The following EBF2 variants were observed in gnomAD, a reference collection of about 807,000 sequenced individuals.
EBF2 encodes EBF transcription factor 2.
A neutral mutation model predicts 72.8 loss-of-function variants in EBF2; 21 were observed. The ratio of observed to expected loss-of-function variants is 0.29; its 90% CI spans 0.20 to 0.42. The LOEUF is 0.42. Among genes scored for constraint, EBF2 ranks in the 10% least tolerant of loss-of-function variants. EBF2 has a pLI of 1.00. For synonymous variants in EBF2, 299 were observed against 274.2 expected (o/e 1.09, Z -0.89); for missense variants, 637 against 731.2 (o/e 0.87, Z 1.49).
chr8:25,880,064 A>G (rs1275376796), intron 10 of EBF2, among the ~76,000 whole-genome samples: 5 of 152,208 alleles, frequency 3.3e-5, no homozygotes, highest in African/African-American at 1.2e-4. Flanking sequence ...TTCAATTTCT[A>G]AGATACCTAA....
chr8:26,012,156 A>G (rs1805035970), intron 6 of EBF2, among the ~76,000 whole-genome samples: 1 of 152,124 alleles, frequency 6.6e-6, no homozygotes, highest in South Asian at 2.1e-4. Context: ...ATTTTTGTTA[A>G]AGGAATGAGA....
At chr8:25,987,327 C>A (rs1251666524) in intron 6 of EBF2, among the ~76,000 whole-genome samples, 1 of 152,122 alleles carries the variant, frequency 6.6e-6, no homozygotes, top group Admixed American at 6.5e-5. Flanking sequence ...TTATTTCCCG[C>A]CATTTTGCAG....
chr8:25,878,107 C>G (rs541244538), intron 10 of EBF2, among the ~76,000 whole-genome samples: 53 of 152,306 alleles, frequency 3.5e-4, no homozygotes, highest in East Asian at 2.3e-3. Context: ...ACACGGCCAG[C>G]CCCCAAAGGC....
intron 6 of EBF2, among the ~76,000 whole-genome samples, chr8:25,947,171 T>C (rs1803784459): frequency 6.6e-6 from 1 of 152,144 alleles, no homozygotes; most frequent in African/African-American, 2.4e-5. Flanking sequence ...TCCTCATGTG[T>C]CATGGAAGGG....
intron 10 of EBF2, among the ~76,000 whole-genome samples, chr8:25,869,023 A>G (rs980924256): frequency 9.2e-5 from 14 of 152,070 alleles, no homozygotes; most frequent in Non-Finnish European, 1.9e-4. Flanking sequence ...ACTAAGTCTC[A>G]TCACCATATT....
rs1665869545 is a variant in EBF2, at chr8:25,862,697, A to ATGTG, written c.1098+11_1098+12insCACA. The ATGTG allele has an allele frequency of 1.3e-6, 2 of 1,567,188 alleles. No homozygotes were observed. The highest frequency in any genetic ancestry group is 2.7e-5 in the African/African-American group (2 of 73,208). On this transcript the variant is annotated intron_variant, in intron 11 of 15. Coordinates refer to ENST00000520164, the MANE Select transcript of EBF2 (RefSeq NM_022659.4). ...CAAATGGCTTCACATGTCAATTTCC[A>ATGTG]AAGCACATTACCTTAGCTAATCTCT...
At chr8:25,997,904 CATT>C (rs1373605447) in intron 6 of EBF2, among the ~76,000 whole-genome samples, 1 of 152,030 alleles carries the variant, frequency 6.6e-6, no homozygotes, top group Non-Finnish European at 1.5e-5. Flanking sequence ...AAAGAGCTAA[CATT>C]AATAATAATA....
At chr8:25,977,066 G>C (rs1344854225) in intron 6 of EBF2, among the ~76,000 whole-genome samples, 2 of 152,166 alleles carry the variant, frequency 1.3e-5, no homozygotes, top group Admixed American at 1.3e-4. Flanking sequence ...CATGTTCCCA[G>C]GTCTGAGCTG....
Position 26,045,342 on chromosome 8 carries a change from G to A in EBF2, c.-483C>T, listed in dbSNP as rs1261959054. On this transcript the variant is annotated 5_prime_UTR_variant, in exon 1 of 16. Coordinates refer to ENST00000520164, the MANE Select transcript of EBF2 (RefSeq NM_022659.4). ...GGGGAAGACCTGGAGCCGAGAGGAG[G>A]CGGTGGCTGCGAGCGCCACGGAGCC... 2 of 152,378 alleles carry A rather than the reference G, an allele frequency of 1.3e-5. No individual in the cohort carries two copies. The highest frequency in any genetic ancestry group is 2.4e-5 in the African/African-American group (1 of 41,466). The allele number at this position is 152,378 out of a possible 1,614,324, so 9.4% of individuals were successfully genotyped here. A position where few individuals can be genotyped will look rare whatever the true frequency, so the allele number is the denominator to read the frequency against.
chr8:26,038,561 G>T (rs1482834776), intron 5 of EBF2, among the ~76,000 whole-genome samples: 1 of 152,102 alleles, frequency 6.6e-6, no homozygotes, highest in East Asian at 1.9e-4. Flanking sequence ...CCAAACAAAG[G>T]CATAAAAAGA....
intron 6 of EBF2, among the ~76,000 whole-genome samples, chr8:26,030,214 T>A (rs1206268533): frequency 6.6e-6 from 1 of 152,232 alleles, no homozygotes; most frequent in Admixed American, 6.5e-5. Flanking sequence ...AAGGTTTCAG[T>A]GAGAGAACTC....
At chr8:26,039,407 C>G (rs140601757) in intron 5 of EBF2, among the ~76,000 whole-genome samples, 2 of 152,290 alleles carry the variant, frequency 1.3e-5, no homozygotes, top group East Asian at 3.9e-4. Flanking sequence ...AGCGGGTCCT[C>G]TCCCTGCCCC....
Position 25,906,270 on chromosome 8 carries a change from C to CT in EBF2, c.633+2203dup, listed in dbSNP as rs1204317992. On this transcript the variant is annotated intron_variant, in intron 7 of 15. Transcript: ENST00000520164. Reference sequence around the variant, plus strand: ...AATAAAAATCCAAACTGCCAACTCTCTTTTCTCTGCCTCTGTATCTTCTAG... The same window carrying CT: ...AATAAAAATCCAAACTGCCAACTCTCTTTTTCTCTGCCTCTGTATCTTCTAG... Among the ~76,000 whole-genome samples the CT allele has an allele frequency of 2.0e-5, 3 of 152,206 alleles. No homozygotes were observed. The East Asian group carries it at 5.8e-4, about 29-fold the overall frequency.
At chr8:25,869,176 A>G (rs1390016031) in intron 10 of EBF2, among the ~76,000 whole-genome samples, 2 of 152,188 alleles carry the variant, frequency 1.3e-5, no homozygotes, top group African/African-American at 4.8e-5. Context: ...ATAAGAGTTA[A>G]ATTCTGTCTG....
chr8:25,864,643 C>T (rs867591759), intron 10 of EBF2, among the ~76,000 whole-genome samples: 25 of 152,066 alleles, frequency 1.6e-4, no homozygotes, highest in Admixed American at 7.9e-4. Context: ...AACTGTATTT[C>T]ACAATTTATT....
chr8:26,002,904 AGGCG>A (rs1250789904), intron 6 of EBF2, among the ~76,000 whole-genome samples: 2 of 96,246 alleles, frequency 2.1e-5, no homozygotes, highest in African/African-American at 5.5e-5. Context: ...GCAGGCGGGC[AGGCG>A]GGCAGGCGGG....
At chr8:26,039,958 G>C in intron 5 of EBF2, 70 bp downstream of exon 5, 1 of 1,549,620 alleles carries the variant, frequency 6.5e-7, no homozygotes, top group African/African-American at 1.4e-5. Context: ...TCCCGGGAAC[G>C]CGGCGCGCCA....
At chr8:25,890,401 A>G (rs1802757420) in intron 7 of EBF2, among the ~76,000 whole-genome samples, 1 of 152,180 alleles carries the variant, frequency 6.6e-6, no homozygotes, top group South Asian at 2.1e-4. Flanking sequence ...TGCTGAGAAG[A>G]TAAGGTTGCC....
intron 7 of EBF2, among the ~76,000 whole-genome samples, chr8:25,903,726 GA>G (rs886587010): frequency 1.3e-5 from 2 of 150,774 alleles, no homozygotes; most frequent in Admixed American, 6.6e-5. Context: ...AACAAAAACA[GA>G]AAAAAAAAGA....
Sources: gnomAD v4.1 joint callset for allele counts (sites outside exome capture counted in the v4.1 genomes callset) on GRCh38, gnomAD v4.1.1 for gene constraint, MANE v1.5 for transcripts, NCBI Gene and HGNC (gene_info 2026-07-23, HGNC 2026-07-21) for gene names.